The following SIAH3 variants were observed in gnomAD, a reference collection of about 807,000 sequenced individuals.
SIAH3 encodes siah E3 ubiquitin protein ligase family member 3, also known as seven in absentia homolog 3.
In SIAH3, 9 loss-of-function variants were observed where a neutral mutation model predicts 12.6. That is an observed-to-expected ratio of 0.72 (90% CI 0.43 to 1.25). The LOEUF is 1.25. SIAH3 is among the 50% of genes most tolerant of loss of function. The pLI is 0.00. For missense variants in SIAH3, 390 were observed against 365.4 expected, an observed-to-expected ratio of 1.07 and a Z score of -0.55; for synonymous variants, 154 against 151.1, an observed-to-expected ratio of 1.02 and a Z score of -0.14.
At chr13:45,798,287 A>G (rs1255090695) in intron 1 of SIAH3, among the ~76,000 whole-genome samples, 1 of 152,212 alleles carries the variant, frequency 6.6e-6, no homozygotes, top group Non-Finnish European at 1.5e-5. Flanking sequence ...AGCAGGGCCC[A>G]TTGATTTCCA....
chr13:45,833,499 A>G (rs1016438092), intron 1 of SIAH3, among the ~76,000 whole-genome samples: 8 of 152,012 alleles, frequency 5.3e-5, no homozygotes, highest in African/African-American at 1.9e-4. Flanking sequence ...ACACGCACAC[A>G]CACACACACG....
chr13:45,784,728 G>C (rs575724081), intron 1 of SIAH3, among the ~76,000 whole-genome samples: 1 of 152,152 alleles, frequency 6.6e-6, no homozygotes, highest in African/African-American at 2.4e-5. Context: ...CCCCAGGGCA[G>C]CTTCCCAGAG....
At chr13:45,798,727 C>G (rs1292162993) in intron 1 of SIAH3, among the ~76,000 whole-genome samples, 1 of 152,210 alleles carries the variant, frequency 6.6e-6, no homozygotes, top group Non-Finnish European at 1.5e-5. Context: ...GCAGTCACTT[C>G]CGGCAGATCC....
chr13:45,793,060 G>T (rs1477606815), intron 1 of SIAH3, among the ~76,000 whole-genome samples: 1 of 152,194 alleles, frequency 6.6e-6, no homozygotes, highest in African/African-American at 2.4e-5. Flanking sequence ...TCTTTAGGAT[G>T]ACTTTAGAAC....
rs1011728375 is a variant in SIAH3, at chr13:45,779,284, T to C, written c.*4099A>G. 4 of 152,206 alleles carry C rather than the reference T, an allele frequency of 2.6e-5. No homozygotes were observed. Among genetic ancestry groups the C allele is most frequent in the Admixed American group, 2.0e-4 (3 of 15,280 alleles). 9.4% of individuals were successfully genotyped at this position (152,206 alleles called of 1,614,324 possible). On this transcript the variant is annotated 3_prime_UTR_variant, in exon 2 of 2. Transcript: ENST00000400405. ...TAAATATAATTTATTTAATTGTAAA[T>C]GTATATCATTTTTAATACTGACTGT...
intron 1 of SIAH3, among the ~76,000 whole-genome samples, chr13:45,796,725 G>A (rs758917038): frequency 4.6e-5 from 7 of 152,236 alleles, no homozygotes; most frequent in Admixed American, 1.3e-4. Flanking sequence ...CACAGGAGGT[G>A]CACCCTGACT....
At chr13:45,785,210 G>T (rs979348202) in intron 1 of SIAH3, among the ~76,000 whole-genome samples, 1 of 152,122 alleles carries the variant, frequency 6.6e-6, no homozygotes, top group African/African-American at 2.4e-5. Flanking sequence ...TAATTAGCCT[G>T]CATGGTCTAG....
intron 1 of SIAH3, among the ~76,000 whole-genome samples, chr13:45,801,361 G>T (rs1950581926): frequency 6.6e-6 from 1 of 152,192 alleles, no homozygotes; most frequent in Non-Finnish European, 1.5e-5. Flanking sequence ...ATCCCTGAAT[G>T]CAGGGAGGAG....
chr13:45,808,287 A>G (rs975780948), intron 1 of SIAH3, among the ~76,000 whole-genome samples: 1 of 152,226 alleles, frequency 6.6e-6, no homozygotes, highest in African/African-American at 2.4e-5. Context: ...AGCACAAAAA[A>G]TTACAGAAAT....
intron 1 of SIAH3, among the ~76,000 whole-genome samples, chr13:45,784,315 T>G (rs1321244087): frequency 2.7e-5 from 4 of 149,656 alleles, no homozygotes; most frequent in Non-Finnish European, 5.9e-5. Context: ...GGTTCTTTAA[T>G]AAGATACACA....
intron 1 of SIAH3, among the ~76,000 whole-genome samples, chr13:45,835,769 A>G (rs1166853665): frequency 6.6e-6 from 1 of 152,164 alleles, no homozygotes; most frequent in African/African-American, 2.4e-5. Flanking sequence ...CATAGGCTGG[A>G]GGGATCTGCG....
At position 45,851,664 on chromosome 13, in the gene SIAH3, A is replaced by G; in HGVS notation, c.-35T>C. On this transcript the variant is annotated 5_prime_UTR_variant, in exon 1 of 2. Coordinates refer to ENST00000400405, the MANE Select transcript of SIAH3 (RefSeq NM_198849.3). ...TGGGGGGTTGTTGGTCCGGGAAGGC[A>G]GCGGAGGAAGCTGTGAGTCCTTGGG... is the stretch of plus-strand genomic sequence containing the variant. 1.2e-6 allele frequency: 2 copies of G among 1,613,682 alleles called. No individual in the cohort carries two copies. The highest frequency in any genetic ancestry group is 1.7e-6 in the Non-Finnish European group (2 of 1,179,738).
chr13:45,809,333 G>GT (rs35677083), intron 1 of SIAH3, among the ~76,000 whole-genome samples: 134,617 of 152,188 alleles, frequency 0.88, 59,669 homozygotes, highest in East Asian at 1. Flanking sequence ...TGCTAGACAT[G>GT]TTTTTGTGTC....
At chr13:45,785,376 C>T (rs1031452802) in intron 1 of SIAH3, among the ~76,000 whole-genome samples, 1 of 152,228 alleles carries the variant, frequency 6.6e-6, no homozygotes, top group Admixed American at 6.5e-5. Flanking sequence ...CACTTGCCTC[C>T]TCACCCTGCT....
rs370343302 is a variant in SIAH3, at chr13:45,783,538, G to T, written c.655C>A (p.Arg219=). The part of the protein sequence containing the change: ...HRRLKWEATP[R]SVLECVDSVI... ...GAGTCCACGCACTCAAGAACAGACCGGGGCGTGGCCTCCCACTTGAGGCGC... is the reference window on the plus strand; with the variant it reads ...GAGTCCACGCACTCAAGAACAGACCTGGGCGTGGCCTCCCACTTGAGGCGC... Residue 219 remains arginine (R), a synonymous_variant, in exon 2 of 2, where the codon CGG becomes AGG. Transcript: ENST00000400405. 6.2e-7 allele frequency: 1 copy of T among 1,614,126 alleles called. No individual in the cohort carries two copies. The highest frequency in any genetic ancestry group is 1.3e-5 in the African/African-American group (1 of 74,944).
chr13:45,797,115 CTTCAACGCAA>C (rs1009061679), intron 1 of SIAH3, among the ~76,000 whole-genome samples: 1 of 150,550 alleles, frequency 6.6e-6, no homozygotes, highest in Non-Finnish European at 1.5e-5. Context: ...GCCTAATCTA[CTTCAACGCAA>C]TTCAAATCGT....
chr13:45,790,482 C>A (rs1186133765), intron 1 of SIAH3, among the ~76,000 whole-genome samples: 1 of 152,088 alleles, frequency 6.6e-6, no homozygotes, highest in Non-Finnish European at 1.5e-5. Context: ...AAAAAAAATA[C>A]ATCTCAGAGA....
chr13:45,824,095 T>C (rs767118757), intron 1 of SIAH3, among the ~76,000 whole-genome samples: 2 of 152,236 alleles, frequency 1.3e-5, no homozygotes, highest in Non-Finnish European at 2.9e-5. Flanking sequence ...CATTCTCATC[T>C]GTTTAATCTT....
At chr13:45,850,919 CCACACACACA>C (rs34118981) in intron 1 of SIAH3, among the ~76,000 whole-genome samples, 4,572 of 128,258 alleles carry the variant, frequency 0.036, 243 homozygotes, top group African/African-American at 0.12. Context: ...CCTCCCGACA[CCACACACACA>C]CACACACACA....
Sources: allele counts gnomAD v4.1 joint callset (sites outside exome capture counted in the v4.1 genomes callset), GRCh38; gene constraint gnomAD v4.1.1; transcripts MANE v1.5; gene names NCBI Gene and HGNC (gene_info 2026-07-23, HGNC 2026-07-21).